MARK3: variants seen among roughly 807,000 people sequenced by gnomAD.
The protein encoded by MARK3 is microtubule affinity regulating kinase 3, also known as MAP/microtubule affinity-regulating kinase 3.
Under a neutral mutation model 90.1 loss-of-function variants are expected in MARK3, and 46 were observed. The observed-to-expected ratio is 0.51, with a 90% CI of 0.40 to 0.65. MARK3 has a LOEUF of 0.65. Among genes scored for constraint, MARK3 ranks in the 30% least tolerant of loss-of-function variants. The pLI, the probability that MARK3 is intolerant of heterozygous loss-of-function variation, is 0.00. For missense variants in MARK3, 818 were observed against 947.2 expected (o/e 0.86, Z 1.79); for synonymous variants, 321 against 332.6 (o/e 0.97, Z 0.38).
At chr14:103,499,895 T>A in intron 16 of MARK3, 1 of 471,460 alleles carries the variant, frequency 2.1e-6, no homozygotes, top group Non-Finnish European at 3.9e-6. Flanking sequence ...CGTGCAGCGG[T>A]ATGGCATGCA....
At chr14:103,481,985 C>G (rs2093833041) in intron 14 of MARK3, among the ~76,000 whole-genome samples, 1 of 150,670 alleles carries the variant, frequency 6.6e-6, no homozygotes, top group African/African-American at 2.4e-5. Flanking sequence ...CCAGGATGGT[C>G]TCGATCTCCT....
At position 103,472,209 on chromosome 14, in the gene MARK3, C is replaced by CAAA. The variant is rs35696641; in HGVS notation, c.1265-2768_1265-2766dup. Among the ~76,000 whole-genome samples the CAAA allele has an allele frequency of 2.6e-3, 253 of 96,750 alleles. 1 individual carries two copies. The highest frequency in any genetic ancestry group is 0.011 in the African/African-American group (217 of 19,694). The allele number at this position is 96,750 out of a possible 152,430, so 63.5% of individuals were successfully genotyped here. ...TGGGCGACAGAGCGAGACTCCGTCT[C>CAAA]AAAAAAAAAAAAAAAAAAGATGTAA... On this transcript the variant is annotated intron_variant, in intron 12 of 17. Transcript: ENST00000429436.
intron 3 of MARK3, among the ~76,000 whole-genome samples, chr14:103,438,093 C>T (rs1291511534): frequency 6.6e-6 from 1 of 152,136 alleles, no homozygotes; most frequent in Non-Finnish European, 1.5e-5. Flanking sequence ...CTCCACCTCC[C>T]TGGTTCAAGT....
At chr14:103,488,924 A>G (rs1312025521) in intron 14 of MARK3, among the ~76,000 whole-genome samples, 2 of 152,236 alleles carry the variant, frequency 1.3e-5, no homozygotes, top group Non-Finnish European at 2.9e-5. Context: ...TGTTGGGGCT[A>G]TCAGAATTCC....
intron 6 of MARK3, among the ~76,000 whole-genome samples, chr14:103,457,819 C>T (rs564433386): frequency 6.6e-6 from 1 of 152,292 alleles, no homozygotes; most frequent in Non-Finnish European, 1.5e-5. Context: ...GAGTTAAGGA[C>T]TGTTATATCC....
At chr14:103,397,674 C>T (rs1040760290) in intron 1 of MARK3, among the ~76,000 whole-genome samples, 8 of 152,098 alleles carry the variant, frequency 5.3e-5, no homozygotes, top group African/African-American at 1.9e-4. Context: ...GTTTTTTATT[C>T]TAAGGATTAG....
chr14:103,485,234 G>GAA lies in MARK3; in HGVS notation c.1586+4755_1586+4756dup, dbSNP rs370727686. 2.4e-4 allele frequency among the ~76,000 whole-genome samples: 19 copies of GAA among 80,028 alleles called. 1 individual carries two copies. Among genetic ancestry groups the GAA allele is most frequent in the East Asian group, 4.6e-4 (1 of 2,184 alleles). The allele number at this position is 80,028 out of a possible 152,430, so 52.5% of individuals were successfully genotyped here. On this transcript the variant is annotated intron_variant, in intron 14 of 17. Coordinates refer to ENST00000429436, the MANE Select transcript of MARK3 (RefSeq NM_001128918.3). ...AACAAGAGCAAAACCCCATCTCAAA[G>GAA]AAAAAAAAAAAAGGCTGCTTTTTTT...
intron 2 of MARK3, among the ~76,000 whole-genome samples, chr14:103,416,953 T>A (rs1348272075): frequency 1.3e-5 from 2 of 152,008 alleles, no homozygotes; most frequent in Non-Finnish European, 2.9e-5. Flanking sequence ...GTATTAGAGA[T>A]GTGAGGAGGT....
intron 17 of MARK3, among the ~76,000 whole-genome samples, chr14:103,501,389 C>A (rs1053019973): frequency 6.6e-6 from 1 of 152,184 alleles, no homozygotes; most frequent in African/African-American, 2.4e-5. Context: ...TAAGTTGGGG[C>A]CTGACCACCA....
chr14:103,491,979 C>G lies in MARK3; in HGVS notation c.1789C>G (p.Arg597Gly). 1 of 1,614,138 alleles carries G rather than the reference C, an allele frequency of 6.2e-7. No homozygotes were observed. The highest frequency in any genetic ancestry group is 8.5e-7 in the Non-Finnish European group (1 of 1,180,024). Residue 597 changes from arginine to glycine, a missense_variant, in exon 15 of 18, where the codon CGA becomes GGA. Arg to Gly is a moderately radical substitution (Grantham distance 125, BLOSUM62 -2). Around this residue, in one of 3 missense-constraint regions of MARK3, gnomAD observed 560 missense variants for 613.5 expected, o/e 0.91. Coordinates refer to ENST00000429436, the MANE Select transcript of MARK3 (RefSeq NM_001128918.3). ...TGAAGCCACACCATTGTCCCAGACT[C>G]GAAGCCGAGGCTCCACTAATCTCTT... ...SHEATPLSQT[R>G]SRGSTNLFSK...
chr14:103,480,144 A>G (rs2093794807), intron 13 of MARK3, among the ~76,000 whole-genome samples: 1 of 152,022 alleles, frequency 6.6e-6, no homozygotes, highest in Admixed American at 6.6e-5. Context: ...AAATTAGCCA[A>G]ATGTGGTGGC....
At chr14:103,478,643 G>A (rs1406206756) in intron 13 of MARK3, among the ~76,000 whole-genome samples, 1 of 144,102 alleles carries the variant, frequency 6.9e-6, no homozygotes, top group East Asian at 2.1e-4. Flanking sequence ...GGGTTCAAGC[G>A]ATTCTCCTGC....
chr14:103,447,163 A>G (rs2093017328), intron 3 of MARK3, among the ~76,000 whole-genome samples: 1 of 152,162 alleles, frequency 6.6e-6, no homozygotes, highest in African/African-American at 2.4e-5. Flanking sequence ...GGCTGGGCAC[A>G]GTGGCCCACA....
intron 3 of MARK3, among the ~76,000 whole-genome samples, chr14:103,442,408 T>C (rs188919546): frequency 6.6e-6 from 1 of 152,052 alleles, no homozygotes; most frequent in African/African-American, 2.4e-5. Flanking sequence ...TAGCCCATAG[T>C]ATAGCTGTTT....
chr14:103,470,472 T>TTTTTTTTTTTTTTTTTTTTTTTTTA (rs1595836589), intron 12 of MARK3, among the ~76,000 whole-genome samples: 1 of 137,232 alleles, frequency 7.3e-6, no homozygotes, highest in Admixed American at 7.7e-5. Flanking sequence ...TTTTTTTTTT[T>TTTTTTTTTTTTTTTTTTTTTTTTTA]GAGATGGAGT....
At chr14:103,414,288 C>T (rs569952371) in intron 2 of MARK3, among the ~76,000 whole-genome samples, 1 of 152,040 alleles carries the variant, frequency 6.6e-6, no homozygotes, top group East Asian at 1.9e-4. Flanking sequence ...TCACCGCAAC[C>T]TCCACCTCCC....
chr14:103,399,616 G>GTT (rs2090818335), intron 1 of MARK3, among the ~76,000 whole-genome samples: 2 of 150,802 alleles, frequency 1.3e-5, no homozygotes, highest in Non-Finnish European at 2.9e-5. Flanking sequence ...AGAGAATGGC[G>GTT]TGAACCCGGG....
Position 103,385,976 on chromosome 14 carries a change from G to T in MARK3, c.-54G>T, listed in dbSNP as rs1335779004. 1.9e-5 allele frequency: 28 copies of T among 1,472,332 alleles called. No homozygotes were observed. The Admixed American group carries it at 4.7e-4, about 25-fold the overall frequency. The allele number at this position is 1,472,332 out of a possible 1,614,324, so 91.2% of individuals were successfully genotyped here. A position where few individuals can be genotyped will look rare whatever the true frequency, so the allele number is the denominator to read the frequency against. On this transcript the variant is annotated 5_prime_UTR_variant, in exon 1 of 18. Transcript: ENST00000429436. ...AGGACGCTGGTCGCCGGCCTCCTAG[G>T]GCTGTGCTGTTTTGTTTTGACCCTC...
rs2075776002 is a variant in MARK3, at chr14:103,503,426, C to T, written c.*199C>T. On this transcript the variant is annotated 3_prime_UTR_variant, in exon 18 of 18. Transcript: ENST00000429436. ...CTACATTAAAGATGTGCAACCTATG[C>T]GCCCCCTGCCCTACTTCCGTTACCC... 1.4e-5 allele frequency: 8 copies of T among 575,016 alleles called. No homozygotes were observed. Among genetic ancestry groups the T allele is most frequent in the South Asian group, 1.3e-4 (6 of 45,180 alleles). The allele number at this position is 575,016 out of a possible 1,614,324, so 35.6% of individuals were successfully genotyped here.
Sources: allele counts gnomAD v4.1 joint callset (sites outside exome capture counted in the v4.1 genomes callset), GRCh38; gene constraint gnomAD v4.1.1; regional missense constraint gnomAD v4.1.1; transcripts MANE v1.5; gene names NCBI Gene and HGNC (gene_info 2026-07-23, HGNC 2026-07-21).